Variants in GDAP1 observed in about 807,000 individuals in gnomAD.
GDAP1 encodes the protein ganglioside-induced differentiation-associated protein 1.
Under a neutral mutation model 40.1 loss-of-function variants are expected in GDAP1, and 34 were observed. That is an observed-to-expected ratio of 0.85 (90% CI 0.64 to 1.13). GDAP1 has a LOEUF of 1.13. GDAP1 is among the 50% of genes most tolerant of loss of function. GDAP1 has a pLI of 0.00. For missense variants in GDAP1, 374 were observed against 433.7 expected (o/e 0.86, Z 1.22); for synonymous variants, 170 against 157.4 (o/e 1.08, Z -0.60).
At chr8:74,427,099 A>C (rs1046642258) in intron 2 of GDAP1, among the ~76,000 whole-genome samples, 1 of 152,218 alleles carries the variant, frequency 6.6e-6, no homozygotes, top group African/African-American at 2.4e-5. Context: ...AGAGGCCAGA[A>C]AAATGCTTGT....
chr8:74,394,357 ACAGCCAAAC>A (rs1810160438), intron 2 of GDAP1, among the ~76,000 whole-genome samples: 2 of 152,204 alleles, frequency 1.3e-5, no homozygotes, highest in South Asian at 4.1e-4. Flanking sequence ...GGGTGGGGGC[ACAGCCAAAC>A]CATATCACAA....
intron 2 of GDAP1, among the ~76,000 whole-genome samples, chr8:74,442,710 A>T (rs1304667394): frequency 1.3e-5 from 2 of 152,212 alleles, no homozygotes; most frequent in African/African-American, 4.8e-5. Context: ...CTGTCAGCAC[A>T]GGAGAGCAAA....
intron 2 of GDAP1, among the ~76,000 whole-genome samples, chr8:74,385,135 G>C (rs1012180112): frequency 6.6e-6 from 1 of 152,048 alleles, no homozygotes; most frequent in African/African-American, 2.4e-5. Flanking sequence ...CCAAACCCAA[G>C]TCGCTTATTT....
At chr8:74,401,654 C>T (rs1376668222) in intron 2 of GDAP1, among the ~76,000 whole-genome samples, 1 of 149,912 alleles carries the variant, frequency 6.7e-6, no homozygotes, top group Non-Finnish European at 1.5e-5. Flanking sequence ...TCCAGTTTTT[C>T]TGCTCCGTTT....
chr8:74,388,389 C>T (rs1810057163), intron 2 of GDAP1, among the ~76,000 whole-genome samples: 2 of 152,078 alleles, frequency 1.3e-5, no homozygotes, highest in African/African-American at 4.8e-5. Flanking sequence ...TTTTTGTTCT[C>T]AGTGGTTTAA....
chr8:74,472,509 C>A (rs1806570253), intron 2 of GDAP1, among the ~76,000 whole-genome samples: 1 of 152,122 alleles, frequency 6.6e-6, no homozygotes, highest in African/African-American at 2.4e-5. Flanking sequence ...TGAGCAATTG[C>A]CACACTGCTT....
At position 74,411,591 on chromosome 8, in the gene GDAP1, A is replaced by G. The variant is rs111278678; in HGVS notation, c.165+60270A>G. On this transcript the variant is annotated intron_variant, in intron 2 of 2. Coordinates refer to the GDAP1 transcript ENST00000523640. ...GTATGAGGATGTTGGAAATATTTTA[A>G]GAAAATATGGCTGGATGCAGTGGCT... Among the ~76,000 whole-genome samples the G allele has an allele frequency of 5.2e-3, 772 of 148,968 alleles. 72 individuals carry two copies. The highest frequency in any genetic ancestry group is 0.017 in the African/African-American group (673 of 38,612).
At chr8:74,413,697 G>C (rs985539381) in intron 2 of GDAP1, among the ~76,000 whole-genome samples, 5 of 147,636 alleles carry the variant, frequency 3.4e-5, no homozygotes, top group Non-Finnish European at 7.4e-5. Context: ...GGTCCTAAGT[G>C]GGTGGAATAA....
chr8:74,377,926 A>G (rs1809884241), intron 2 of GDAP1, among the ~76,000 whole-genome samples: 1 of 151,900 alleles, frequency 6.6e-6, no homozygotes, highest in Non-Finnish European at 1.5e-5. Flanking sequence ...ATACAGTGGA[A>G]TACAATTCAT....
At chr8:74,377,289 A>T (rs534663598) in intron 2 of GDAP1, among the ~76,000 whole-genome samples, 10 of 152,172 alleles carry the variant, frequency 6.6e-5, no homozygotes, top group Non-Finnish European at 1.3e-4. Flanking sequence ...TTCACAATAT[A>T]TATACCTGAC....
chr8:74,360,232 T>C lies in GDAP1; in HGVS notation c.406T>C (p.Tyr136His), dbSNP rs1809296464. The C allele has an allele frequency of 6.2e-7, 1 of 1,613,104 alleles. No individual in the cohort carries two copies. The highest frequency in any genetic ancestry group is 8.5e-7 in the Non-Finnish European group (1 of 1,179,010). ...ELLDSLPMDA[Y>H]THGCILHPEL... ...GCTTGACTCCTTGCCAATGGATGCCTATACACATGGCTGCATTTTACATCC... is the reference window on the plus strand; with the variant it reads ...GCTTGACTCCTTGCCAATGGATGCCCATACACATGGCTGCATTTTACATCC... Residue 136 changes from tyrosine to histidine, a missense_variant, in exon 3 of 6, where the codon TAT becomes CAT. Tyr to His is a moderately conservative substitution (Grantham distance 83). Transcript: ENST00000220822.
At chr8:74,375,396 T>A (rs574225532) in intron 2 of GDAP1, among the ~76,000 whole-genome samples, 19 of 152,052 alleles carry the variant, frequency 1.2e-4, no homozygotes, top group African/African-American at 4.6e-4. Context: ...TGTAGGCAAA[T>A]GAAATTCATT....
At chr8:74,352,544 G>A (rs950108298) in intron 2 of GDAP1, among the ~76,000 whole-genome samples, 3 of 152,240 alleles carry the variant, frequency 2.0e-5, no homozygotes, top group African/African-American at 7.2e-5. Flanking sequence ...GGGCAGTGGC[G>A]AGGGGGAAGC....
intron 2 of GDAP1, among the ~76,000 whole-genome samples, chr8:74,398,806 T>C (rs1203592226): frequency 6.6e-6 from 1 of 152,036 alleles, no homozygotes; most frequent in Non-Finnish European, 1.5e-5. Context: ...ATTGAGATAA[T>C]CATGTGGTTT....
intron 2 of GDAP1, among the ~76,000 whole-genome samples, chr8:74,446,633 A>G (rs1288977689): frequency 6.6e-6 from 1 of 152,206 alleles, no homozygotes. Flanking sequence ...TTGAAAAATG[A>G]AGATGAAAGC....
At chr8:74,427,625 C>T (rs981382602) in intron 2 of GDAP1, among the ~76,000 whole-genome samples, 41 of 152,032 alleles carry the variant, frequency 2.7e-4, no homozygotes, top group Non-Finnish European at 5.1e-4. Flanking sequence ...CCCTGAGAGG[C>T]TTTTTTTGAA....
chr8:74,433,033 T>A (rs914054456), intron 2 of GDAP1, among the ~76,000 whole-genome samples: 1 of 152,212 alleles, frequency 6.6e-6, no homozygotes, highest in Non-Finnish European at 1.5e-5. Flanking sequence ...TATTCTTCAG[T>A]AAACTCAGCT....
At chr8:74,384,184 A>G (rs1374776849) in intron 2 of GDAP1, among the ~76,000 whole-genome samples, 3 of 152,152 alleles carry the variant, frequency 2.0e-5, no homozygotes, top group Non-Finnish European at 4.4e-5. Flanking sequence ...GTAAGTTAAC[A>G]CTTTCTTCCC....
chr8:74,469,258 A>G (rs1806512782), intron 2 of GDAP1, among the ~76,000 whole-genome samples: 1 of 152,126 alleles, frequency 6.6e-6, no homozygotes, highest in South Asian at 2.1e-4. Context: ...TTTTGACATC[A>G]GTGTTAACAT....
Sources: gnomAD v4.1 joint callset for allele counts (sites outside exome capture counted in the v4.1 genomes callset) on GRCh38, gnomAD v4.1.1 for gene constraint, MANE v1.5 for transcripts, NCBI Gene and HGNC (gene_info 2026-07-23, HGNC 2026-07-21) for gene names.